The following PALM2AKAP2 variants were observed in gnomAD, a reference collection of about 807,000 sequenced individuals.
PALM2AKAP2 encodes the protein PALM2 and AKAP2 fusion.
A neutral mutation model predicts 71.5 loss-of-function variants in PALM2AKAP2; 37 were observed. That is an observed-to-expected ratio of 0.52 (90% confidence interval 0.40 to 0.68). The LOEUF is 0.68. Ranked by LOEUF, PALM2AKAP2 falls within the 30% of genes least tolerant of loss-of-function variation. PALM2AKAP2 has a pLI of 0.00. For missense variants in PALM2AKAP2, 1,224 were observed against 1,191.8 expected (o/e 1.03, Z -0.40); for synonymous variants, 468 against 478.8 (o/e 0.98, Z 0.29).
At chr9:109,828,040 C>G (rs1344671068) in intron 1 of PALM2AKAP2, among the ~76,000 whole-genome samples, 1 of 151,988 alleles carries the variant, frequency 6.6e-6, no homozygotes, top group Non-Finnish European at 1.5e-5. Context: ...TGGGTGAGTA[C>G]TTTATATATG....
In PALM2AKAP2 at chr9:109,952,910, A is replaced by G. The variant is rs529236163; in HGVS notation, c.496+20882A>G. ...GTTAAAGGAAATTATATTTATTAAA[A>G]GCACTGTGTAAGCTGGAAGTAGATG... On this transcript the variant is annotated intron_variant, in intron 6 of 9. Transcript: ENST00000302798. Among the ~76,000 whole-genome samples the G allele has an allele frequency of 7.9e-5, 12 of 152,326 alleles. No homozygotes were observed. The East Asian group carries it at 2.3e-3, about 29-fold the overall frequency.
intron 2 of PALM2AKAP2, among the ~76,000 whole-genome samples, chr9:109,875,365 T>C (rs1031919196): frequency 2.6e-5 from 4 of 152,230 alleles, no homozygotes; most frequent in Admixed American, 6.5e-5. Context: ...TCTGAGATTA[T>C]CTTGCATCCT....
At chr9:109,985,171 G>A (rs1048458209) in intron 6 of PALM2AKAP2, among the ~76,000 whole-genome samples, 22 of 151,880 alleles carry the variant, frequency 1.4e-4, no homozygotes, top group African/African-American at 9.7e-5. Flanking sequence ...GCAAGACTCC[G>A]TCTCAAAAAA....
At position 110,067,006 on chromosome 9, in the gene PALM2AKAP2, A is replaced by G. The variant is rs569573427; in HGVS notation, c.156+18151A>G. On this transcript the variant is annotated intron_variant, in intron 1 of 3. Coordinates refer to ENST00000374525, the Ensembl canonical transcript of PALM2AKAP2. ...AAGAGAGAGCTCTTCATTTGGTTTT[A>G]TCAGATAATAGATAATAATAAATAT... is the stretch of plus-strand genomic sequence containing the variant. 2.6e-4 allele frequency among the ~76,000 whole-genome samples: 40 copies of G among 152,228 alleles called. No individual in the cohort carries two copies. The South Asian group carries it at 3.9e-3, about 15-fold the overall frequency.
At chr9:110,045,333 TG>T (rs1833577309), upstream of PALM2AKAP2, among the ~76,000 whole-genome samples, 1 of 152,232 alleles carries the variant, frequency 6.6e-6, no homozygotes, top group Non-Finnish European at 1.5e-5. Context: ...AGAGTAAATA[TG>T]CTTCTTTTAT....
In PALM2AKAP2 at chr9:109,732,786, A is replaced by C. The variant is rs183749411; in HGVS notation, c.6-47702A>C. Among the ~76,000 whole-genome samples, 60 of 152,304 alleles carry C rather than the reference A, an allele frequency of 3.9e-4. No individual in the cohort carries two copies. In the East Asian group the frequency reaches 0.011, roughly 27 times the overall value. On this transcript the variant is annotated intron_variant, in intron 1 of 6. Coordinates refer to the PALM2AKAP2 transcript ENST00000374531. Reference sequence around the variant, plus strand: ...TGAAATGGAAAGGGTAGCAGGGAGAAGGTCTCCCTTTCAAGATGCTCAGAG... The same window carrying C: ...TGAAATGGAAAGGGTAGCAGGGAGACGGTCTCCCTTTCAAGATGCTCAGAG...
intron 1 of PALM2AKAP2, among the ~76,000 whole-genome samples, chr9:109,768,039 GAGGGAAGGAAGGAAAGAAAAAC>G (rs71373940): frequency 0.029 from 3,393 of 118,458 alleles, 112 homozygotes; most frequent in South Asian, 0.068. Context: ...GAAAGAAAAA[GAGGGAAGGAAGGAAAGAAAAAC>G]AGTGAAGGAA....
rs1037251292 is a variant in PALM2AKAP2 at position 109,816,625 on chromosome 9, G to T, written c.45+36092G>T. 4.6e-5 allele frequency among the ~76,000 whole-genome samples: 7 copies of T among 152,276 alleles called. No individual in the cohort carries two copies. The South Asian group carries it at 1.5e-3, about 32-fold the overall frequency. On this transcript the variant is annotated intron_variant, in intron 1 of 9. Transcript: ENST00000302798. ...GGTTTTCAGGAAACTGTGGGAATAGGGTTGAATGAGTCATGAACACAAACA... is the reference window on the plus strand; with the variant it reads ...GGTTTTCAGGAAACTGTGGGAATAGTGTTGAATGAGTCATGAACACAAACA...
At chr9:110,019,368 A>C (rs1833034091) in intron 7 of PALM2AKAP2, among the ~76,000 whole-genome samples, 1 of 152,214 alleles carries the variant, frequency 6.6e-6, no homozygotes, top group African/African-American at 2.4e-5. Flanking sequence ...TGTTGGTAGC[A>C]ATGTAAATTA....
At chr9:109,785,229 A>C (rs560225903) in intron 1 of PALM2AKAP2, among the ~76,000 whole-genome samples, 3 of 152,366 alleles carry the variant, frequency 2.0e-5, no homozygotes, top group African/African-American at 7.2e-5. Flanking sequence ...GCTGTTCTTT[A>C]GGGAATTTTG....
At chr9:110,049,874 C>G (rs934865908) in intron 1 of PALM2AKAP2, among the ~76,000 whole-genome samples, 4 of 152,194 alleles carry the variant, frequency 2.6e-5, no homozygotes, top group Non-Finnish European at 5.9e-5. Flanking sequence ...GCCGGGCTGC[C>G]GAGCTCTCCA....
At chr9:109,942,051 A>G (rs942649943) in intron 6 of PALM2AKAP2, among the ~76,000 whole-genome samples, 3 of 152,224 alleles carry the variant, frequency 2.0e-5, no homozygotes, top group African/African-American at 7.2e-5. Context: ...CCAGTGTCCT[A>G]TGTGATGTTA....
intron 1 of PALM2AKAP2, among the ~76,000 whole-genome samples, chr9:109,678,706 AT>A (rs1321971355): frequency 6.6e-6 from 1 of 152,150 alleles, no homozygotes; most frequent in Non-Finnish European, 1.5e-5. Context: ...AGAGGAAATC[AT>A]TGTTAGTCCC....
chr9:109,972,151 T>C (rs1337301037), intron 6 of PALM2AKAP2, among the ~76,000 whole-genome samples: 1 of 152,220 alleles, frequency 6.6e-6, no homozygotes, highest in African/African-American at 2.4e-5. Flanking sequence ...GCATTGGTGC[T>C]TCATGCAGGG....
chr9:109,737,862 G>A (rs977221370), intron 1 of PALM2AKAP2, among the ~76,000 whole-genome samples: 2 of 152,218 alleles, frequency 1.3e-5, no homozygotes, highest in African/African-American at 2.4e-5. Context: ...CAGTTTGAAG[G>A]TTTTATTCCA....
intron 1 of PALM2AKAP2, among the ~76,000 whole-genome samples, chr9:110,102,459 C>G (rs1258751541): frequency 6.6e-6 from 1 of 152,134 alleles, no homozygotes; most frequent in Non-Finnish European, 1.5e-5. Flanking sequence ...TGTGTTACCT[C>G]CAGAGCTGGA....
intron 1 of PALM2AKAP2, among the ~76,000 whole-genome samples, chr9:109,689,411 G>T (rs966045159): frequency 6.6e-6 from 1 of 151,854 alleles, no homozygotes; most frequent in African/African-American, 2.4e-5. Context: ...AGTTGATCAG[G>T]CTGGTCTCAA....
At chr9:109,902,147 C>G (rs986419301) in intron 3 of PALM2AKAP2, among the ~76,000 whole-genome samples, 2 of 152,200 alleles carry the variant, frequency 1.3e-5, no homozygotes, top group Non-Finnish European at 2.9e-5. Flanking sequence ...AGCCTCACAT[C>G]TCATTAACTA....
At chr9:110,105,673 C>A (rs1246546986) in intron 1 of PALM2AKAP2, among the ~76,000 whole-genome samples, 1 of 152,160 alleles carries the variant, frequency 6.6e-6, no homozygotes, top group East Asian at 1.9e-4. Flanking sequence ...TAATGAGATG[C>A]CTAAGTACCA....
Sources: gnomAD v4.1 joint callset for allele counts (sites outside exome capture counted in the v4.1 genomes callset) on GRCh38, gnomAD v4.1.1 for gene constraint, MANE v1.5 for transcripts, NCBI Gene and HGNC (gene_info 2026-07-23, HGNC 2026-07-21) for gene names.